Variants in GDPD5 observed in about 807,000 individuals in gnomAD.
GDPD5 encodes the protein glycerophosphodiester phosphodiesterase 2.
Under a neutral mutation model 75.1 loss-of-function variants are expected in GDPD5, and 48 were observed. That is an observed-to-expected ratio of 0.64 (90% CI 0.51 to 0.81). The LOEUF (loss-of-function observed/expected upper bound fraction) is 0.81. Ranked by LOEUF, GDPD5 falls within the 40% of genes least tolerant of loss-of-function variation. The pLI is 0.00. For synonymous variants in GDPD5, 336 were observed against 339.0 expected (o/e 0.99, Z 0.10); for missense variants, 706 against 822.6 (o/e 0.86, Z 1.73).
chr11:75,507,394 G>A (rs558084217), intron 1 of GDPD5, among the ~76,000 whole-genome samples: 1 of 152,222 alleles, frequency 6.6e-6, no homozygotes, highest in African/African-American at 2.4e-5. Context: ...TCCTCATTTA[G>A]AGGGGAAAAC....
Position 75,510,803 on chromosome 11 carries a change from C to A in GDPD5, c.-145+14407G>T, listed in dbSNP as rs1278587523. ...CTCCCCATGCTCTTGACCTCCCTTG[C>A]AACATCTGTGCACTCTGCCCAGGGT... On this transcript the variant is annotated intron_variant, in intron 1 of 16. Coordinates refer to ENST00000336898, the MANE Select transcript of GDPD5 (RefSeq NM_030792.8). 3.9e-5 allele frequency among the ~76,000 whole-genome samples: 6 copies of A among 151,986 alleles called. No homozygotes were observed. In the East Asian group the frequency reaches 1.2e-3, roughly 29 times the overall value.
intron 1 of GDPD5, among the ~76,000 whole-genome samples, chr11:75,518,493 C>T (rs375140536): frequency 6.6e-6 from 1 of 152,146 alleles, no homozygotes; most frequent in Admixed American, 6.5e-5. Context: ...GGGTCATGCC[C>T]CAGAGATTGT....
intron 11 of GDPD5, 44 bp from the exon 12 acceptor site, chr11:75,442,625 T>C (rs961186201): frequency 6.3e-7 from 1 of 1,583,968 alleles, no homozygotes; most frequent in East Asian, 2.2e-5. Flanking sequence ...CATCAGCCCT[T>C]TGGGGGCCCC....
chr11:75,481,000 ACTGT>A (rs1361831447), intron 2 of GDPD5, among the ~76,000 whole-genome samples: 3 of 152,076 alleles, frequency 2.0e-5, no homozygotes, highest in Non-Finnish European at 4.4e-5. Flanking sequence ...TAAAATACTG[ACTGT>A]CTGGCCCTTT....
chr11:75,513,604 C>A (rs756723917), intron 1 of GDPD5, among the ~76,000 whole-genome samples: 5 of 152,230 alleles, frequency 3.3e-5, no homozygotes, highest in Admixed American at 1.3e-4. Context: ...AAAAGTCAGT[C>A]TTGACTCTCC....
At chr11:75,499,528 C>A (rs72989912) in intron 1 of GDPD5, among the ~76,000 whole-genome samples, 45 of 151,356 alleles carry the variant, frequency 3.0e-4, no homozygotes, top group Admixed American at 1.5e-3. Context: ...TGAATCAGGG[C>A]GGGTCTGACA....
rs1565191970 is a variant in GDPD5 at position 75,456,520 on chromosome 11, A to G, written c.375+237T>C. 1.8e-5 allele frequency: 10 copies of G among 565,888 alleles called. No individual in the cohort carries two copies. The East Asian group carries it at 2.6e-4, about 15-fold the overall frequency. 35.1% of individuals were successfully genotyped at this position (565,888 alleles called of 1,614,324 possible). ...ACCTCTTTGTACTTCAGTTTCCCCA[A>G]CCACAAAATGGAATGATAACAGTAC... On this transcript the variant is annotated intron_variant, in intron 6 of 16. Coordinates refer to ENST00000336898, the MANE Select transcript of GDPD5 (RefSeq NM_030792.8).
chr11:75,443,809 G>A (rs1440898089), intron 10 of GDPD5, among the ~76,000 whole-genome samples: 1 of 152,200 alleles, frequency 6.6e-6, no homozygotes, highest in African/African-American at 2.4e-5. Context: ...ACAGTAAAAG[G>A]TACCTGTGCC....
Position 75,435,466 on chromosome 11 carries a change from A to C in GDPD5, c.*41T>G. The C allele has an allele frequency of 1.3e-6, 2 of 1,520,534 alleles. No individual in the cohort carries two copies. 94.2% of individuals were successfully genotyped at this position (1,520,534 alleles called of 1,614,324 possible). A position where few individuals can be genotyped will look rare whatever the true frequency, so the allele number is the denominator to read the frequency against. ...TTCCACCAGCTCTCCTAGGCTCCCCAGCTTCTGTGTCAGGTACAGGTGGGA... is the reference window on the plus strand; with the variant it reads ...TTCCACCAGCTCTCCTAGGCTCCCCCGCTTCTGTGTCAGGTACAGGTGGGA... On this transcript the variant is annotated 3_prime_UTR_variant, in exon 17 of 17. Coordinates refer to ENST00000336898, the MANE Select transcript of GDPD5 (RefSeq NM_030792.8).
At chr11:75,450,697 A>G (rs1949118774) in intron 6 of GDPD5, 1 of 152,280 alleles carries the variant, frequency 6.6e-6, no homozygotes, top group Non-Finnish European at 1.5e-5. Flanking sequence ...GGTGACAGGT[A>G]AGACCTGAAA....
At chr11:75,442,655 C>G in intron 11 of GDPD5, 74 bp from the exon 12 acceptor site, 1 of 1,366,810 alleles carries the variant, frequency 7.3e-7, no homozygotes, top group Non-Finnish European at 1.0e-6. Flanking sequence ...TTCTGGCAAC[C>G]AAGCGTGGAG....
chr11:75,479,059 C>T (rs1048139454), intron 2 of GDPD5, among the ~76,000 whole-genome samples: 4 of 152,216 alleles, frequency 2.6e-5, no homozygotes, highest in Non-Finnish European at 4.4e-5. Context: ...CCAGAAGCTA[C>T]TGCCCCAGCC....
At chr11:75,446,357 G>A (rs1465916611) in intron 9 of GDPD5, among the ~76,000 whole-genome samples, 2 of 152,182 alleles carry the variant, frequency 1.3e-5, no homozygotes, top group Non-Finnish European at 2.9e-5. Context: ...GAAGGCCCCA[G>A]AAGCATACAC....
intron 1 of GDPD5, among the ~76,000 whole-genome samples, chr11:75,505,134 A>C (rs1592148589): frequency 1.3e-5 from 2 of 151,718 alleles, no homozygotes; most frequent in South Asian, 2.1e-4. Flanking sequence ...AAAAAAAAAA[A>C]CAACAAAAAA....
Position 75,442,384 on chromosome 11 carries a change from G to T in GDPD5, c.1146C>A (p.His382Gln). ...FINVTLEAVLHSGFPQHQVMW... is the reference protein window; with the variant it reads ...FINVTLEAVLQSGFPQHQVMW... ...TCACCTGGTGCTGGGGGAAGCCGGA[G>T]TGCAGCACGGCCTCCAGAGTCACGT... The change falls in exon 12 of 17, where the codon CAC becomes CAA. Residue 382 changes from histidine (H) to glutamine (Q), a missense_variant. By Grantham distance (24) the His-to-Gln change is conservative (BLOSUM62 0). Transcript: ENST00000336898. 5 of 1,570,904 alleles carry T rather than the reference G, an allele frequency of 3.2e-6. No individual in the cohort carries two copies. The South Asian group carries it at 4.7e-5, about 15-fold the overall frequency.
At chr11:75,512,119 C>T (rs1350717652) in intron 1 of GDPD5, among the ~76,000 whole-genome samples, 1 of 152,088 alleles carries the variant, frequency 6.6e-6, no homozygotes, top group Non-Finnish European at 1.5e-5. Flanking sequence ...TGGATGGATA[C>T]ATGGATGCAT....
In GDPD5 at chr11:75,453,730, T is replaced by A. The variant is rs556621999; in HGVS notation, c.375+3027A>T. ...AATAAGCAAAAAATTCATAAATAGA[T>A]CCAAATACATAAAGAAAATTTAGTA... On this transcript the variant is annotated intron_variant, in intron 6 of 16. Transcript: ENST00000336898. Among the ~76,000 whole-genome samples, 28 of 151,608 alleles carry A rather than the reference T, an allele frequency of 1.8e-4. No homozygotes were observed. In the Middle Eastern group the frequency reaches 0.014, roughly 74 times the overall value.
intron 1 of GDPD5, among the ~76,000 whole-genome samples, chr11:75,511,110 T>G (rs1332778407): frequency 6.6e-6 from 1 of 152,248 alleles, no homozygotes; most frequent in Non-Finnish European, 1.5e-5. Context: ...AGTAGATGTC[T>G]GAGATATGTT....
chr11:75,519,930 G>A (rs182291490), intron 1 of GDPD5, among the ~76,000 whole-genome samples: 2 of 152,306 alleles, frequency 1.3e-5, no homozygotes, highest in African/African-American at 4.8e-5. Flanking sequence ...TCTCTGCCCA[G>A]CATCTGCTAG....
Sources: gnomAD v4.1 joint callset for allele counts (sites outside exome capture counted in the v4.1 genomes callset) on GRCh38, gnomAD v4.1.1 for gene constraint, MANE v1.5 for transcripts, NCBI Gene and HGNC (gene_info 2026-07-23, HGNC 2026-07-21) for gene names.